Variants in HIVEP1 observed in about 807,000 individuals in gnomAD.
The protein encoded by HIVEP1 is HIVEP zinc finger 1, also known as zinc finger protein 40.
A neutral mutation model predicts 180.0 loss-of-function variants in HIVEP1; 36 were observed. The ratio of observed to expected loss-of-function variants is 0.20; its 90% confidence interval spans 0.15 to 0.26. The LOEUF is 0.26. HIVEP1 is among the 10% of genes least tolerant of loss of function. HIVEP1 has a pLI of 1.00. For missense variants in HIVEP1, 3,143 were observed against 3,268.7 expected (o/e 0.96, Z 0.94); for synonymous variants, 1,239 against 1,239.0 (o/e 1.00, Z 0.00).
At chr6:12,020,890 C>CTTTTTTTTT (rs70981658) in intron 2 of HIVEP1, among the ~76,000 whole-genome samples, 130 of 105,742 alleles carry the variant, frequency 1.2e-3, no homozygotes, top group Middle Eastern at 0.013. Context: ...TTCTTTCTTT[C>CTTTTTTTTT]TTTTTTTTTT....
chr6:12,045,143 A>G (rs976449855), intron 2 of HIVEP1, among the ~76,000 whole-genome samples: 5 of 152,076 alleles, frequency 3.3e-5, no homozygotes, highest in Admixed American at 3.3e-4. Context: ...TCTGTTCCTA[A>G]CCCTCGCCAT....
At chr6:12,113,153 C>T (rs771660793) in intron 3 of HIVEP1, among the ~76,000 whole-genome samples, 26 of 151,042 alleles carry the variant, frequency 1.7e-4, no homozygotes, top group Non-Finnish European at 2.9e-4. Context: ...CTCCCTCAGC[C>T]CATCCTAATT....
In HIVEP1 at chr6:12,120,573, A is replaced by G. The variant is rs746866377; in HGVS notation, c.778A>G (p.Thr260Ala). 26 of 1,614,178 alleles carry G rather than the reference A, an allele frequency of 1.6e-5. No individual in the cohort carries two copies. The East Asian group carries it at 4.5e-4, about 28-fold the overall frequency. ...GGTTGCTGAATCACAGTCTTCTTGTACCTCATACACAGTCCATATGTCTGC... is the reference window on the plus strand; with the variant it reads ...GGTTGCTGAATCACAGTCTTCTTGTGCCTCATACACAGTCCATATGTCTGC... ...ELVAESQSSC[T>A]SYTVHMSAAQ... is the part of the protein sequence containing the mutation. Residue 260 changes from threonine (T) to alanine (A), a missense_variant, in exon 4 of 9, where the codon ACC becomes GCC. Coordinates refer to ENST00000379388, the MANE Select transcript of HIVEP1 (RefSeq NM_002114.4).
chr6:12,092,887 A>C (rs982175046), intron 3 of HIVEP1, among the ~76,000 whole-genome samples: 1 of 152,222 alleles, frequency 6.6e-6, no homozygotes, highest in African/African-American at 2.4e-5. Context: ...TGTGAGCAGC[A>C]AGCTCGTACA....
the HIVEP1 span, among the ~76,000 whole-genome samples, chr6:12,178,495 T>C: frequency 6.6e-5 from 10 of 152,134 alleles, no homozygotes; most frequent in Non-Finnish European, 1.3e-4. Flanking sequence ...AACAGGTACA[T>C]GGGAAATAAA....
chr6:12,017,538 AC>A (rs112516121), intron 2 of HIVEP1, among the ~76,000 whole-genome samples: 4,110 of 152,296 alleles, frequency 0.027, 154 homozygotes, highest in African/African-American at 0.086. Context: ...AGCAGTTGCA[AC>A]TGCTGCCTCC....
rs192909603 is a variant in HIVEP1 at position 12,083,119 on chromosome 6, A to C, written c.41-6065A>C. The stretch of plus-strand genomic sequence containing the variant: ...TTCAGATACCCAGTTGGCCTTCTTC[A>C]TAGACATATGAGTGTATATGTCTGT... On this transcript the variant is annotated intron_variant, in intron 2 of 8. Coordinates refer to ENST00000379388, the MANE Select transcript of HIVEP1 (RefSeq NM_002114.4). Among the ~76,000 whole-genome samples the C allele has an allele frequency of 2.9e-3, 439 of 152,302 alleles. 1 individual carries two copies. Among genetic ancestry groups the C allele is most frequent in the Non-Finnish European group, 3.9e-3 (264 of 68,004 alleles).
chr6:12,027,065 T>G (rs751623427), intron 2 of HIVEP1, among the ~76,000 whole-genome samples: 55 of 152,230 alleles, frequency 3.6e-4, no homozygotes, highest in Non-Finnish European at 5.0e-4. Context: ...CATGGCTTCT[T>G]TCATGCAACA....
At chr6:12,203,510 C>T in the HIVEP1 span, among the ~76,000 whole-genome samples, 1,474 of 152,298 alleles carry the variant, frequency 9.7e-3, 29 homozygotes, top group African/African-American at 0.034. Flanking sequence ...TTTGCCTCTG[C>T]CAGCCTTTCC....
chr6:12,177,135 A>G, the HIVEP1 span, among the ~76,000 whole-genome samples: 1 of 152,192 alleles, frequency 6.6e-6, no homozygotes, highest in African/African-American at 2.4e-5. Context: ...GACACAAAGA[A>G]GAGAACAGCA....
At position 12,120,597 on chromosome 6, in the gene HIVEP1, G is replaced by C. The variant is rs1775511402; in HGVS notation, c.802G>C (p.Ala268Pro). The C allele has an allele frequency of 3.7e-6, 6 of 1,614,056 alleles. No homozygotes were observed. The highest frequency in any genetic ancestry group is 5.1e-6 in the Non-Finnish European group (6 of 1,179,890). ...SCTSYTVHMS[A>P]AQKNEQGAMQ... ...TACCTCATACACAGTCCATATGTCT[G>C]CTGCTCAGAAGAATGAGCAAGGGGC... The change falls in exon 4 of 9, where the codon GCT becomes CCT. Residue 268 changes from alanine (A) to proline (P), a missense_variant. This residue lies in a region of HIVEP1 where 306 missense variants were observed against 310.6 expected (regional missense o/e 0.99). Transcript: ENST00000379388.
chr6:12,127,656 G>C (rs1484607248), intron 4 of HIVEP1, among the ~76,000 whole-genome samples: 1 of 152,190 alleles, frequency 6.6e-6, no homozygotes, highest in Non-Finnish European at 1.5e-5. Context: ...AAGAAGAGGA[G>C]AGAGCCTAGA....
At position 12,122,439 on chromosome 6, in the gene HIVEP1, G is replaced by C; in HGVS notation, c.2644G>C (p.Gly882Arg). 1 of 1,614,152 alleles carries C rather than the reference G, an allele frequency of 6.2e-7. No homozygotes were observed. The highest frequency in any genetic ancestry group is 1.3e-5 in the African/African-American group (1 of 75,024). Residue 882 changes from glycine to arginine, a missense_variant, in exon 4 of 9, where the codon GGA (glycine) becomes CGA (arginine). Physicochemically the swap from Gly to Arg is moderately radical, Grantham distance 125. This residue lies in a region of HIVEP1 where 204 missense variants were observed against 243.7 expected (regional missense o/e 0.84). Coordinates refer to ENST00000379388, the MANE Select transcript of HIVEP1 (RefSeq NM_002114.4). ...TTTCTATGATGATGTCTTTGTATCG[G>C]GACCTAACGCTCCTGTGCCCCAGAG... is the stretch of plus-strand genomic sequence containing the variant. ...GAFYDDVFVS[G>R]PNAPVPQSGH...
At position 12,124,134 on chromosome 6, in the gene HIVEP1, C is replaced by T. The variant is rs753007733; in HGVS notation, c.4339C>T (p.His1447Tyr). 6.8e-6 allele frequency: 11 copies of T among 1,614,010 alleles called. No homozygotes were observed. The highest frequency in any genetic ancestry group is 9.3e-6 in the Non-Finnish European group (11 of 1,180,020). The change falls in exon 4 of 9, where the codon CAC becomes TAC. Residue 1447 changes from histidine to tyrosine, a missense_variant. Around this residue, in one of 12 missense-constraint regions of HIVEP1, gnomAD observed 1,357 missense variants for 1,260.5 expected, o/e 1.08. Coordinates refer to ENST00000379388, the MANE Select transcript of HIVEP1 (RefSeq NM_002114.4). Reference sequence around the variant, plus strand: ...CCCAGATAGTCATCTGTCTCCTGTACACCCAACATCTTTCCAAAATACTGC... The same window carrying T: ...CCCAGATAGTCATCTGTCTCCTGTATACCCAACATCTTTCCAAAATACTGC... ...IAPDSHLSPV[H>Y]PTSFQNTALP...
chr6:12,018,248 C>T (rs1032225101), intron 2 of HIVEP1, among the ~76,000 whole-genome samples: 3 of 152,208 alleles, frequency 2.0e-5, no homozygotes, highest in Non-Finnish European at 2.9e-5. Flanking sequence ...GCGCGGCCCC[C>T]GTTCCTGCCC....
At chr6:12,128,740 GTATTA>G (rs1350107539) in intron 4 of HIVEP1, among the ~76,000 whole-genome samples, 33 of 151,978 alleles carry the variant, frequency 2.2e-4, no homozygotes, top group African/African-American at 4.8e-5. Flanking sequence ...TCATAAGGTG[GTATTA>G]TATTATTATA....
chr6:12,165,552 C>A (rs1003407872), downstream of HIVEP1, among the ~76,000 whole-genome samples: 1 of 152,206 alleles, frequency 6.6e-6, no homozygotes, highest in Non-Finnish European at 1.5e-5. Flanking sequence ...ATTACTATTT[C>A]CTGTCCTGGA....
downstream of HIVEP1, among the ~76,000 whole-genome samples, chr6:12,168,291 A>ATATACATATATACATATAT (rs1760802194): frequency 1.4e-5 from 1 of 72,366 alleles, no homozygotes; most frequent in Non-Finnish European, 2.9e-5. Context: ...TATTATATAC[A>ATATACATATATACATATAT]TATATACATA....
rs569705490 is a variant in HIVEP1 at position 12,097,393 on chromosome 6, C to A, written c.94+8156C>A. Among the ~76,000 whole-genome samples the A allele has an allele frequency of 1.3e-4, 19 of 151,808 alleles. 1 individual carries two copies. In the East Asian group the frequency reaches 3.7e-3, roughly 29 times the overall value. ...TTAAAGGAGCCCGCAAGCTTTAACC[C>A]AGCTCTTACCCAAATCATCATAAAT... is the stretch of plus-strand genomic sequence containing the variant. On this transcript the variant is annotated intron_variant, in intron 3 of 8. Coordinates refer to ENST00000379388, the MANE Select transcript of HIVEP1 (RefSeq NM_002114.4).
Sources: allele counts gnomAD v4.1 joint callset (sites outside exome capture counted in the v4.1 genomes callset), GRCh38; gene constraint gnomAD v4.1.1; regional missense constraint gnomAD v4.1.1; transcripts MANE v1.5; gene names NCBI Gene and HGNC (gene_info 2026-07-23, HGNC 2026-07-21).